The following FOCAD variants were observed in gnomAD, a reference collection of about 807,000 sequenced individuals.
FOCAD encodes KIAA1797.
FOCAD carries 198 observed loss-of-function variants against 225.6 expected under a neutral mutation model. That is an observed-to-expected ratio of 0.88 (90% confidence interval 0.78 to 0.99). FOCAD has a LOEUF of 0.99. FOCAD is among the 50% of genes least tolerant of loss of function. FOCAD has a pLI of 0.00. For synonymous variants in FOCAD, 897 were observed against 755.0 expected (o/e 1.19, Z -3.08); for missense variants, 2,713 against 2,123.6 (o/e 1.28, Z -5.46).
chr9:20,811,844 T>G (rs757407978), intron 11 of FOCAD, among the ~76,000 whole-genome samples: 1 of 152,100 alleles, frequency 6.6e-6, no homozygotes, highest in African/African-American at 2.4e-5. Context: ...GTAGAATGAA[T>G]AAGTTTTAAA....
At chr9:20,662,845 A>T (rs1821774675) in intron 2 of FOCAD, among the ~76,000 whole-genome samples, 1 of 152,186 alleles carries the variant, frequency 6.6e-6, no homozygotes, top group African/African-American at 2.4e-5. Context: ...CATTCTAAAG[A>T]TTTAGTTTTC....
rs117083070 is a variant in FOCAD, at chr9:20,742,570, A to G, written c.392+2230A>G. 3.1e-3 allele frequency among the ~76,000 whole-genome samples: 469 copies of G among 152,348 alleles called. 1 individual carries two copies. Among genetic ancestry groups the G allele is most frequent in the Non-Finnish European group, 5.5e-3 (372 of 68,028 alleles). On this transcript the variant is annotated intron_variant, in intron 5 of 43. Transcript: ENST00000338382. ...TGCCAGAGTCAGAACTGCATTTTAG[A>G]AAGATTTTCTACGTAATTTATAGGC...
At chr9:20,927,042 G>C (rs1373910931) in intron 26 of FOCAD, among the ~76,000 whole-genome samples, 2 of 149,942 alleles carry the variant, frequency 1.3e-5, no homozygotes, top group Non-Finnish European at 3.0e-5. Context: ...ATATATAAAA[G>C]AAATACCAAT....
At chr9:20,799,600 A>T (rs534567445) in intron 11 of FOCAD, among the ~76,000 whole-genome samples, 1 of 151,748 alleles carries the variant, frequency 6.6e-6, no homozygotes, top group South Asian at 2.1e-4. Flanking sequence ...ACCATTATGT[A>T]ATGGCCTTCT....
At chr9:20,793,035 G>A (rs528889809) in intron 11 of FOCAD, among the ~76,000 whole-genome samples, 1 of 152,136 alleles carries the variant, frequency 6.6e-6, no homozygotes, top group African/African-American at 2.4e-5. Flanking sequence ...ACTCTGTTCT[G>A]TTGTTACCGA....
Position 20,764,850 on chromosome 9 carries a change from T to C in FOCAD, c.495-19T>C, listed in dbSNP as rs1587072523. ...TGTGTTTAACTCAATAACTGGCTAA[T>C]GTATTTCATGTCTTATAGGTTAGAA... On this transcript the variant is annotated intron_variant, in intron 6 of 43. Coordinates refer to ENST00000338382, the MANE Select transcript of FOCAD (RefSeq NM_001375567.1). The C allele has an allele frequency of 6.3e-7, 1 of 1,598,476 alleles. No homozygotes were observed. Among genetic ancestry groups the C allele is most frequent in the Non-Finnish European group, 8.6e-7 (1 of 1,167,592 alleles).
chr9:20,814,080 T>G (rs1823381032), intron 11 of FOCAD, among the ~76,000 whole-genome samples: 1 of 152,206 alleles, frequency 6.6e-6, no homozygotes, highest in Non-Finnish European at 1.5e-5. Flanking sequence ...TGTGTGTCCT[T>G]AAATCTAAAG....
chr9:20,766,428 A>G (rs577993540), intron 7 of FOCAD, among the ~76,000 whole-genome samples: 15 of 152,222 alleles, frequency 9.9e-5, no homozygotes, highest in Non-Finnish European at 1.9e-4. Context: ...TCTCTGAAAC[A>G]TGACTATCTC....
At chr9:20,960,017 C>G (rs1441354723) in intron 35 of FOCAD, among the ~76,000 whole-genome samples, 1 of 152,074 alleles carries the variant, frequency 6.6e-6, no homozygotes, top group Non-Finnish European at 1.5e-5. Flanking sequence ...TTCCTTTCAA[C>G]CAGGGGCACT....
At chr9:20,953,145 C>T (rs1837834482) in intron 35 of FOCAD, 80 bp downstream of exon 35, 1 of 1,129,746 alleles carries the variant, frequency 8.9e-7, no homozygotes, top group Non-Finnish European at 1.3e-6. Context: ...AAGCATGCCT[C>T]TGTAGAATCA....
At chr9:20,834,507 C>T (rs1825811822) in intron 15 of FOCAD, among the ~76,000 whole-genome samples, 1 of 152,008 alleles carries the variant, frequency 6.6e-6, no homozygotes, top group African/African-American at 2.4e-5. Context: ...AATGGGTAAA[C>T]AAATCGTTGT....
At chr9:20,977,651 AAAC>A (rs749413098) in intron 36 of FOCAD, among the ~76,000 whole-genome samples, 2 of 152,212 alleles carry the variant, frequency 1.3e-5, no homozygotes, top group Non-Finnish European at 2.9e-5. Context: ...ATGATATATA[AAAC>A]AACTTCTATA....
chr9:20,948,976 C>G, intron 32 of FOCAD, 48 bp downstream of exon 32: 1 of 1,532,686 alleles, frequency 6.5e-7, no homozygotes, highest in East Asian at 2.3e-5. Flanking sequence ...ATGTACATAG[C>G]CATAGCGGGA....
rs143564901 is a variant in FOCAD, at chr9:20,929,532, G to C, written c.3253G>C (p.Val1085Leu). The change falls in exon 27 of 44, where the codon GTG becomes CTG. Residue 1085 changes from valine (V) to leucine (L), a missense_variant. By Grantham distance (32) the Val-to-Leu change is conservative. Transcript: ENST00000338382. ...ACCAAGTGCTGATGAGTCTCAAGCC[G>C]TGCAAATCCACATGGGCCTTGCTTT... ...GKPSADESQA[V>L]QIHMGLALGM... The C allele has an allele frequency of 3.1e-6, 5 of 1,614,158 alleles. No homozygotes were observed. The South Asian group carries it at 3.3e-5, about 11-fold the overall frequency.
chr9:20,822,900 T>C, intron 14 of FOCAD, 89 bp from the exon 15 acceptor site: 1 of 1,285,054 alleles, frequency 7.8e-7, no homozygotes, highest in Non-Finnish European at 1.0e-6. Context: ...GTATAGAAAA[T>C]GATGGATGCT....
At chr9:20,730,281 T>A (rs1021759270) in intron 4 of FOCAD, among the ~76,000 whole-genome samples, 1 of 152,054 alleles carries the variant, frequency 6.6e-6, no homozygotes, top group Non-Finnish European at 1.5e-5. Flanking sequence ...TAATTCTATG[T>A]TTTTTTTCTT....
intron 4 of FOCAD, among the ~76,000 whole-genome samples, chr9:20,729,104 GT>G (rs1826452628): frequency 6.6e-6 from 1 of 152,188 alleles, no homozygotes. Context: ...CCAAGTGTTA[GT>G]TTTCTAGGGC....
intron 26 of FOCAD, among the ~76,000 whole-genome samples, chr9:20,926,871 G>A (rs1435055764): frequency 2.0e-5 from 3 of 150,996 alleles, no homozygotes; most frequent in Non-Finnish European, 4.4e-5. Flanking sequence ...AGAATCACCT[G>A]GGGAACTTTA....
At chr9:20,843,482 A>G (rs1826759583) in intron 15 of FOCAD, among the ~76,000 whole-genome samples, 1 of 152,000 alleles carries the variant, frequency 6.6e-6, no homozygotes, top group Non-Finnish European at 1.5e-5. Context: ...ACTTATTGGA[A>G]CGATTTTATA....
Sources: gnomAD v4.1 joint callset for allele counts (sites outside exome capture counted in the v4.1 genomes callset) on GRCh38, gnomAD v4.1.1 for gene constraint, MANE v1.5 for transcripts, NCBI Gene and HGNC (gene_info 2026-07-23, HGNC 2026-07-21) for gene names.